The following THRAP3 variants were observed in gnomAD, a reference collection of about 807,000 sequenced individuals.
THRAP3 encodes the protein thyroid hormone receptor associated protein 3, also known as thyroid hormone receptor-associated protein 3.
In THRAP3, 16 loss-of-function variants were observed where a neutral mutation model predicts 101.0. The ratio of observed to expected loss-of-function variants is 0.16; its 90% confidence interval spans 0.11 to 0.24. The LOEUF is 0.24. Among genes scored for constraint, THRAP3 ranks in the 10% least tolerant of loss-of-function variants. The probability of loss-of-function intolerance (pLI) is 1.00; values close to 1 mark genes in which losing one functional copy is unlikely to be tolerated. For synonymous variants in THRAP3, 407 were observed against 422.6 expected (o/e 0.96, Z 0.45); for missense variants, 989 against 1,202.7 (o/e 0.82, Z 2.63).
the THRAP3 span, among the ~76,000 whole-genome samples, chr1:36,207,974 A>G: frequency 6.6e-6 from 1 of 152,040 alleles, no homozygotes; most frequent in Non-Finnish European, 1.5e-5. Flanking sequence ...TGTAATTTTA[A>G]TAGAGACTGG....
intron 11 of THRAP3, among the ~76,000 whole-genome samples, chr1:36,302,390 T>TA (rs1646040789): frequency 6.6e-6 from 1 of 152,228 alleles, no homozygotes; most frequent in Non-Finnish European, 1.5e-5. Flanking sequence ...TGTGTGTGGA[T>TA]GGCTATGCGT....
At position 36,289,499 on chromosome 1, in the gene THRAP3, T is replaced by A. The variant is rs1427541191; in HGVS notation, c.1480T>A (p.Ser494Thr). The A allele has an allele frequency of 6.2e-7, 1 of 1,611,540 alleles. No individual in the cohort carries two copies. Among genetic ancestry groups the A allele is most frequent in the South Asian group, 1.1e-5 (1 of 90,942 alleles). ...QRKTEELEEESFPERSKKEDR... is the reference protein window; with the variant it reads ...QRKTEELEEETFPERSKKEDR... ...AAAAACAGAGGAGCTGGAGGAGGAG[T>A]CTTTCCCAGAGAGATCCAAAAAGGA... The change falls in exon 5 of 12, where the codon TCT becomes ACT. Residue 494 changes from serine (S) to threonine (T), a missense_variant. By Grantham distance (58) the Ser-to-Thr change is moderately conservative. Transcript: ENST00000354618.
intron 1 of THRAP3, among the ~76,000 whole-genome samples, chr1:36,227,945 G>A (rs1644980859): frequency 2.0e-5 from 3 of 151,904 alleles, no homozygotes; most frequent in African/African-American, 4.8e-5. Flanking sequence ...GTGCGATCTC[G>A]GCTCACTGCA....
intron 2 of THRAP3, among the ~76,000 whole-genome samples, chr1:36,279,751 G>A (rs1645708078): frequency 6.6e-6 from 1 of 152,160 alleles, no homozygotes; most frequent in Non-Finnish European, 1.5e-5. Flanking sequence ...CTGTGAGATG[G>A]AGCTATAGCA....
At chr1:36,288,227 G>A in intron 4 of THRAP3, 29 of 823,376 alleles carry the variant, frequency 3.5e-5, no homozygotes, top group Non-Finnish European at 4.1e-5. Context: ...TTTGTTAATG[G>A]TGATTTCTGA....
At chr1:36,271,004 A>C (rs1645583794) in intron 2 of THRAP3, among the ~76,000 whole-genome samples, 1 of 152,136 alleles carries the variant, frequency 6.6e-6, no homozygotes, top group South Asian at 2.1e-4. Context: ...TCTCTGCCTA[A>C]AAAAATTAAA....
At chr1:36,266,160 GAAA>G (rs11446813) in intron 2 of THRAP3, among the ~76,000 whole-genome samples, 3 of 139,140 alleles carry the variant, frequency 2.2e-5, no homozygotes, top group African/African-American at 8.2e-5. Context: ...CTCAAAAAAA[GAAA>G]AAAAAAAAAA....
At chr1:36,245,097 TA>T (rs1482372713) in intron 1 of THRAP3, among the ~76,000 whole-genome samples, 1 of 152,092 alleles carries the variant, frequency 6.6e-6, no homozygotes, top group Non-Finnish European at 1.5e-5. Context: ...TTTGCCATTG[TA>T]CCACTCTGGT....
At chr1:36,290,347 G>A (rs751587303) in intron 5 of THRAP3, among the ~76,000 whole-genome samples, 1 of 151,228 alleles carries the variant, frequency 6.6e-6, no homozygotes, top group African/African-American at 2.4e-5. Context: ...AGGCCTCCAC[G>A]CCCAGCTAAT....
intron 1 of THRAP3, among the ~76,000 whole-genome samples, chr1:36,237,688 T>C (rs988685718): frequency 2.0e-5 from 3 of 152,070 alleles, no homozygotes; most frequent in African/African-American, 7.2e-5. Context: ...GGAGAATTGC[T>C]TGAACCTGGG....
chr1:36,293,051 T>TTTTTTTTTTTTTAC (rs1645898153), intron 7 of THRAP3, among the ~76,000 whole-genome samples: 1 of 125,742 alleles, frequency 8.0e-6, no homozygotes, highest in Admixed American at 8.7e-5. Flanking sequence ...TTTTTTGAGA[T>TTTTTTTTTTTTTAC]GGAGTGTTGC....
At chr1:36,278,822 C>T (rs565949585) in intron 2 of THRAP3, among the ~76,000 whole-genome samples, 101 of 152,020 alleles carry the variant, frequency 6.6e-4, no homozygotes, top group Middle Eastern at 3.4e-3. Flanking sequence ...ACTTGGGAAG[C>T]TGAGGCAGGA....
chr1:36,220,471 T>C (rs1040193002), upstream of THRAP3, among the ~76,000 whole-genome samples: 1 of 151,762 alleles, frequency 6.6e-6, no homozygotes, highest in South Asian at 2.1e-4. Flanking sequence ...AGGTCAGGAG[T>C]TCGAGACCAG....
chr1:36,256,985 C>T (rs1003447093), intron 1 of THRAP3, among the ~76,000 whole-genome samples: 9 of 151,948 alleles, frequency 5.9e-5, no homozygotes, highest in Non-Finnish European at 1.2e-4. Context: ...TTAGTAAAGA[C>T]GGGGTTTCTC....
In THRAP3 at chr1:36,289,336, G is replaced by A. The variant is rs1400945514; in HGVS notation, c.1317G>A (p.Lys439=). The change falls in exon 5 of 12, where the codon AAG becomes AAA. Residue 439 remains lysine, a synonymous_variant. Transcript: ENST00000354618. ...EMDDQDKDKA[K]GRKESEFDDE... ...ATGATCAAGATAAGGACAAAGCTAA[G>A]GGAAGAAAGGAATCTGAGTTTGATG... 3.7e-6 allele frequency: 6 copies of A among 1,614,122 alleles called. No homozygotes were observed. Among genetic ancestry groups the A allele is most frequent in the Non-Finnish European group, 5.1e-6 (6 of 1,180,040 alleles).
At chr1:36,251,688 G>A (rs1460564912) in intron 1 of THRAP3, among the ~76,000 whole-genome samples, 2 of 152,222 alleles carry the variant, frequency 1.3e-5, no homozygotes, top group African/African-American at 4.8e-5. Flanking sequence ...AAACCAGCTT[G>A]TTGAAGTCGT....
intron 2 of THRAP3, among the ~76,000 whole-genome samples, chr1:36,274,076 TCACACACACA>T (rs763330875): frequency 0.028 from 1,262 of 44,712 alleles, 16 homozygotes; most frequent in African/African-American, 0.053. Context: ...TGTGTGTGTG[TCACACACACA>T]CACACACACA....
rs564926448 is a variant in THRAP3, at chr1:36,234,137, T to C, written c.-135+9632T>C. 3.2e-4 allele frequency among the ~76,000 whole-genome samples: 48 copies of C among 152,204 alleles called. 3 individuals carry two copies. The South Asian group carries it at 9.8e-3, about 31-fold the overall frequency. On this transcript the variant is annotated intron_variant, in intron 1 of 11. Coordinates refer to ENST00000354618, the MANE Select transcript of THRAP3 (RefSeq NM_005119.4). The stretch of plus-strand genomic sequence containing the variant: ...TGCCTGGCTAATTTTTGTAGTTTTA[T>C]AGAGACAGGGTTTCACCATGTTGCC...
intron 1 of THRAP3, chr1:36,225,536 T>G (rs894080722): frequency 6.6e-6 from 1 of 152,194 alleles, no homozygotes; most frequent in Non-Finnish European, 1.5e-5. Context: ...ACTTAGCCAC[T>G]GTTAAAAAGT....
Sources: allele counts gnomAD v4.1 joint callset (sites outside exome capture counted in the v4.1 genomes callset), GRCh38; gene constraint gnomAD v4.1.1; transcripts MANE v1.5; gene names NCBI Gene and HGNC (gene_info 2026-07-23, HGNC 2026-07-21).